The following BRINP3 variants were observed in gnomAD, a reference collection of about 807,000 sequenced individuals.
The protein encoded by BRINP3 is BMP/retinoic acid-inducible neural-specific protein 3.
A neutral mutation model predicts 71.0 loss-of-function variants in BRINP3; 19 were observed. That is an observed-to-expected ratio of 0.27 (90% CI 0.19 to 0.39). The LOEUF (loss-of-function observed/expected upper bound fraction) is 0.39. BRINP3 is among the 10% of genes least tolerant of loss of function. BRINP3 has a pLI of 1.00. For synonymous variants in BRINP3, 380 were observed against 337.7 expected (o/e 1.13, Z -1.37); for missense variants, 959 against 940.8 (o/e 1.02, Z -0.25).
At chr1:190,200,849 A>G (rs1294286327) in intron 6 of BRINP3, among the ~76,000 whole-genome samples, 1 of 152,112 alleles carries the variant, frequency 6.6e-6, no homozygotes, top group African/African-American at 2.4e-5. Context: ...TTGTTCTGCC[A>G]TGATTGTGAG....
chr1:190,292,410 T>C (rs989154207), intron 2 of BRINP3, among the ~76,000 whole-genome samples: 2 of 152,084 alleles, frequency 1.3e-5, no homozygotes, highest in Admixed American at 6.6e-5. Context: ...TCCTGAAACT[T>C]TGGAAGGCTG....
intron 3 of BRINP3, among the ~76,000 whole-genome samples, chr1:190,268,446 A>G (rs933500565): frequency 5.9e-5 from 9 of 152,124 alleles, no homozygotes; most frequent in African/African-American, 9.7e-5. Flanking sequence ...CATAAAAGCC[A>G]GCAACTTTCT....
intron 2 of BRINP3, among the ~76,000 whole-genome samples, chr1:190,299,523 G>A (rs551156470): frequency 8.6e-5 from 13 of 151,194 alleles, no homozygotes; most frequent in South Asian, 4.2e-4. Flanking sequence ...ATGCTGGTGC[G>A]CTGCACCCAC....
At chr1:190,218,687 T>C (rs952747073) in intron 6 of BRINP3, among the ~76,000 whole-genome samples, 5 of 151,978 alleles carry the variant, frequency 3.3e-5, no homozygotes, top group Non-Finnish European at 7.4e-5. Context: ...ATTTTTCCGG[T>C]CTAACTGAAA....
At chr1:190,261,112 G>A (rs996589213) in intron 4 of BRINP3, among the ~76,000 whole-genome samples, 6 of 151,930 alleles carry the variant, frequency 3.9e-5, no homozygotes, top group African/African-American at 1.2e-4. Flanking sequence ...AAATATGTGT[G>A]ACATAATATG....
chr1:190,407,824 T>A (rs145739971), intron 2 of BRINP3, among the ~76,000 whole-genome samples: 1 of 152,088 alleles, frequency 6.6e-6, no homozygotes, highest in Non-Finnish European at 1.5e-5. Context: ...CAATATCACA[T>A]GAACACCTAA....
At chr1:190,390,710 TG>T (rs1671198074) in intron 2 of BRINP3, among the ~76,000 whole-genome samples, 1 of 151,632 alleles carries the variant, frequency 6.6e-6, no homozygotes, top group African/African-American at 2.4e-5. Context: ...ACAATCACAA[TG>T]GTGAAGGCCA....
chr1:190,366,795 T>C (rs772463395), intron 2 of BRINP3, among the ~76,000 whole-genome samples: 1 of 152,086 alleles, frequency 6.6e-6, no homozygotes, highest in Non-Finnish European at 1.5e-5. Flanking sequence ...CAAAATATAA[T>C]AGTGCAGTCA....
intron 2 of BRINP3, among the ~76,000 whole-genome samples, chr1:190,409,014 A>G (rs1672485448): frequency 6.6e-6 from 1 of 152,232 alleles, no homozygotes; most frequent in Non-Finnish European, 1.5e-5. Context: ...TGGCAGGTAG[A>G]GACCAGCAAT....
At chr1:190,431,795 T>C (rs547417874) in intron 2 of BRINP3, among the ~76,000 whole-genome samples, 3 of 152,250 alleles carry the variant, frequency 2.0e-5, no homozygotes, top group African/African-American at 7.2e-5. Context: ...TAAAGAGAAT[T>C]TTCTGCTGTG....
At chr1:190,412,395 T>TTATATATATATATATATATATATTA (rs10552194) in intron 2 of BRINP3, among the ~76,000 whole-genome samples, 49 of 134,992 alleles carry the variant, frequency 3.6e-4, no homozygotes, top group Middle Eastern at 8.0e-3. Flanking sequence ...TATATATATA[T>TTATATATATATATATATATATATTA]TATATATATA....
At chr1:190,271,309 T>G (rs1662091294) in intron 3 of BRINP3, among the ~76,000 whole-genome samples, 1 of 151,638 alleles carries the variant, frequency 6.6e-6, no homozygotes, top group South Asian at 2.1e-4. Flanking sequence ...TTCAATTTAG[T>G]AACTGAATGA....
At chr1:190,219,872 A>T (rs537218145) in intron 6 of BRINP3, among the ~76,000 whole-genome samples, 27 of 151,238 alleles carry the variant, frequency 1.8e-4, no homozygotes, top group East Asian at 9.7e-4. Flanking sequence ...AATAAATTTT[A>T]AAAAAAGGGA....
At chr1:190,473,062 T>C (rs1195159213) in intron 1 of BRINP3, among the ~76,000 whole-genome samples, 3 of 151,878 alleles carry the variant, frequency 2.0e-5, no homozygotes, top group Admixed American at 6.6e-5. Flanking sequence ...ATCATGTCTA[T>C]TTCATTTGGA....
intron 2 of BRINP3, among the ~76,000 whole-genome samples, chr1:190,411,562 A>G (rs1672663934): frequency 6.6e-6 from 1 of 152,188 alleles, no homozygotes; most frequent in Non-Finnish European, 1.5e-5. Context: ...TTTTATATCT[A>G]GTAAATTGAA....
At position 190,298,228 on chromosome 1, in the gene BRINP3, CT is replaced by C. The variant is rs1189754904; in HGVS notation, c.237-16479del. On this transcript the variant is annotated intron_variant, in intron 2 of 7. Coordinates refer to ENST00000367462, the MANE Select transcript of BRINP3 (RefSeq NM_199051.3). ...CTGACTTTGGTAATTTGTCTACTGT[CT>C]TTTTTTCTTGCTAGAATATTGCCAA... Among the ~76,000 whole-genome samples, 6 of 151,946 alleles carry C rather than the reference CT, an allele frequency of 3.9e-5. No individual in the cohort carries two copies. In the East Asian group the frequency reaches 9.7e-4, roughly 24 times the overall value.
intron 7 of BRINP3, among the ~76,000 whole-genome samples, chr1:190,115,024 G>C (rs1003715391): frequency 3.3e-5 from 5 of 151,862 alleles, no homozygotes; most frequent in Non-Finnish European, 7.4e-5. Context: ...TTATTTTCTT[G>C]TTGCATTTAT....
intron 2 of BRINP3, among the ~76,000 whole-genome samples, chr1:190,425,499 T>C (rs1046079850): frequency 6.6e-6 from 1 of 151,776 alleles, no homozygotes; most frequent in African/African-American, 2.4e-5. Context: ...ATGCTAGAAC[T>C]AAGAAAGTGC....
intron 3 of BRINP3, among the ~76,000 whole-genome samples, chr1:190,277,287 TC>T (rs1189070093): frequency 8.6e-5 from 13 of 150,618 alleles, no homozygotes; most frequent in African/African-American, 3.2e-4. Context: ...CACCTCTTAC[TC>T]TTCCTCCTTT....
Sources: allele counts gnomAD v4.1 joint callset (sites outside exome capture counted in the v4.1 genomes callset), GRCh38; gene constraint gnomAD v4.1.1; transcripts MANE v1.5; gene names NCBI Gene and HGNC (gene_info 2026-07-23, HGNC 2026-07-21).